BRIP1: variants seen among roughly 807,000 people sequenced by gnomAD.
BRIP1 encodes Fanconi anemia group J protein.
BRIP1 carries 88 observed loss-of-function variants against 119.7 expected under a neutral mutation model. The ratio of observed to expected loss-of-function variants is 0.74; its 90% CI spans 0.62 to 0.88. The LOEUF (loss-of-function observed/expected upper bound fraction) is 0.88. Among genes scored for constraint, BRIP1 ranks in the 40% least tolerant of loss-of-function variants. The pLI, the probability that BRIP1 is intolerant of heterozygous loss-of-function variation, is 0.00. For synonymous variants in BRIP1, 443 were observed against 496.5 expected (o/e 0.89, Z 1.43); for missense variants, 1,259 against 1,455.4 (o/e 0.87, Z 2.20).
chr17:61,802,139 A>G lies in BRIP1; in HGVS notation c.919-665T>C, dbSNP rs541083178. Among the ~76,000 whole-genome samples the G allele has an allele frequency of 4.6e-5, 7 of 152,170 alleles. No individual in the cohort carries two copies. The highest frequency in any genetic ancestry group is 8.8e-5 in the Non-Finnish European group (6 of 68,030). ...TTTCATATTTCTTCTATACATGTGTATATAAGGATATCTCTACAATGTGAC... is the reference window on the plus strand; with the variant it reads ...TTTCATATTTCTTCTATACATGTGTGTATAAGGATATCTCTACAATGTGAC... On this transcript the variant is annotated intron_variant, in intron 7 of 19. Transcript: ENST00000259008. The surrounding 1 kb of genome is among the most constrained non-coding windows in gnomAD (Gnocchi z 6.0).
rs1213838269 is a variant in BRIP1, at chr17:61,827,493, T to C, written c.628-18736A>G. Reference sequence around the variant, plus strand: ...CCTGTAATCTCAGTACTTTGAGAGGTAAGGCAGGAGGATCACTTGAGACCA... The same window carrying C: ...CCTGTAATCTCAGTACTTTGAGAGGCAAGGCAGGAGGATCACTTGAGACCA... On this transcript the variant is annotated intron_variant, in intron 6 of 19. Transcript: ENST00000259008. The surrounding 1 kb of genome is among the most constrained non-coding windows in gnomAD (Gnocchi z 5.8). Among the ~76,000 whole-genome samples the C allele has an allele frequency of 6.6e-6, 1 of 152,074 alleles. No homozygotes were observed. Among genetic ancestry groups the C allele is most frequent in the African/African-American group, 2.4e-5 (1 of 41,398 alleles).
rs35622034 is a variant in BRIP1, at chr17:61,823,834, A to AT, written c.628-15078dup. 0.14 allele frequency among the ~76,000 whole-genome samples: 20,953 copies of AT among 148,358 alleles called. 2,042 individuals are homozygous for AT. Among genetic ancestry groups the AT allele is most frequent in the East Asian group, 0.58 (2,918 of 5,054 alleles). ...TGCTGAAAGCAGAGATAAAAATAGAATTTTTTTTTTTGAGACGGAGTTTCG... is the reference window on the plus strand; with the variant it reads ...TGCTGAAAGCAGAGATAAAAATAGAATTTTTTTTTTTTGAGACGGAGTTTCG... On this transcript the variant is annotated intron_variant, in intron 6 of 19. Transcript: ENST00000259008. The surrounding 1 kb of genome is among the most constrained non-coding windows in gnomAD (Gnocchi z 4.8).
rs1387960709 is a variant in BRIP1, at chr17:61,739,339, A to C, written c.2379+3674T>G. The C allele has an allele frequency of 1.5e-5, 3 of 199,636 alleles. No individual in the cohort carries two copies. The highest frequency in any genetic ancestry group is 3.1e-5 in the Non-Finnish European group (3 of 96,498). The allele number at this position is 199,636 out of a possible 1,614,324, so 12.4% of individuals were successfully genotyped here. On this transcript the variant is annotated intron_variant, in intron 16 of 19. Coordinates refer to ENST00000259008, the MANE Select transcript of BRIP1 (RefSeq NM_032043.3). The surrounding 1 kb of genome is among the most constrained non-coding windows in gnomAD (Gnocchi z 6.0). ...CATCAGTAGCTGTAGTCAAGGCAGC[A>C]TCAGCCATTTTAGAATAGGAGACCC...
intron 11 of BRIP1, among the ~76,000 whole-genome samples, chr17:61,783,186 T>C (rs2077649691): frequency 6.6e-6 from 1 of 152,202 alleles, no homozygotes; most frequent in Non-Finnish European, 1.5e-5. Flanking sequence ...AATTGTGGTA[T>C]ATACATACAA....
chr17:61,812,889 A>T (rs2078184312), intron 6 of BRIP1, among the ~76,000 whole-genome samples: 1 of 152,118 alleles, frequency 6.6e-6, no homozygotes, highest in Non-Finnish European at 1.5e-5. Flanking sequence ...TTCCTTTCAC[A>T]AGCTATAATT....
intron 6 of BRIP1, among the ~76,000 whole-genome samples, chr17:61,838,495 G>A (rs1490197808): frequency 1.3e-5 from 2 of 151,538 alleles, no homozygotes; most frequent in South Asian, 2.1e-4. Flanking sequence ...GCAGTGAGCC[G>A]ATCGCGCCAC....
In BRIP1 at chr17:61,683,126, G is replaced by A; in HGVS notation, c.*170C>T. Reference sequence around the variant, plus strand: ...AGCCTGGGCAACAGACCAAGACTCTGTCTCAAAAAAAAAAACCCAAAAACT... The same window carrying A: ...AGCCTGGGCAACAGACCAAGACTCTATCTCAAAAAAAAAAACCCAAAAACT... On this transcript the variant is annotated 3_prime_UTR_variant, in exon 20 of 20. Coordinates refer to ENST00000259008, the MANE Select transcript of BRIP1 (RefSeq NM_032043.3). This position sits in a 1 kb window ranked among gnomAD's most constrained non-coding sequence, Gnocchi z 4.7. 1.3e-6 allele frequency: 1 copy of A among 777,994 alleles called. No homozygotes were observed. Among genetic ancestry groups the A allele is most frequent in the Non-Finnish European group, 2.0e-6 (1 of 510,382 alleles). 48.2% of individuals were successfully genotyped at this position (777,994 alleles called of 1,614,324 possible).
Position 61,744,461 on chromosome 17 carries a change from T to G in BRIP1, c.2228A>C (p.Tyr743Ser), listed in dbSNP as rs750033391. The G allele has an allele frequency of 1.9e-6, 3 of 1,613,906 alleles. No homozygotes were observed. The highest frequency in any genetic ancestry group is 2.5e-6 in the Non-Finnish European group (3 of 1,179,936). ...TNFDELLQVY[Y>S]DAIKYKGEKD... Reference sequence around the variant, plus strand: ...CTCTCCTTTGTATTTGATTGCGTCATAGTACACCTGCAGTAATTCATCAAA... The same window carrying G: ...CTCTCCTTTGTATTTGATTGCGTCAGAGTACACCTGCAGTAATTCATCAAA... The change falls in exon 15 of 20, where the codon TAT becomes TCT. Residue 743 changes from tyrosine to serine, a missense_variant. Physicochemically the swap from Tyr to Ser is moderately radical, Grantham distance 144. This residue lies in a region of BRIP1 where 753 missense variants were observed against 891.8 expected (regional missense o/e 0.84). Transcript: ENST00000259008. The surrounding 1 kb of genome is among the most constrained non-coding windows in gnomAD (Gnocchi z 5.0).
At chr17:61,786,761 TTATATATTATATATTTATATATAATATAG>T (rs1225752523) in intron 10 of BRIP1, among the ~76,000 whole-genome samples, 82 of 135,114 alleles carry the variant, frequency 6.1e-4, no homozygotes, top group Admixed American at 1.5e-3. Flanking sequence ...ATTATATATT[TTATATATTATATATTTATATATAATATAG>T]TATATATTAT....
At position 61,774,674 on chromosome 17, in the gene BRIP1, A is replaced by T. The variant is rs1429313795; in HGVS notation, c.2097+1727T>A. On this transcript the variant is annotated intron_variant, in intron 14 of 19. Transcript: ENST00000259008. This position sits in a 1 kb window ranked among gnomAD's most constrained non-coding sequence, Gnocchi z 5.8. ...AAACCTGCAGAACAATTAATTTCGCAATCAAAGAAATAAACTCAATTGGAA... is the reference window on the plus strand; with the variant it reads ...AAACCTGCAGAACAATTAATTTCGCTATCAAAGAAATAAACTCAATTGGAA... Among the ~76,000 whole-genome samples, 2 of 152,236 alleles carry T rather than the reference A, an allele frequency of 1.3e-5. No homozygotes were observed. The highest frequency in any genetic ancestry group is 4.8e-5 in the African/African-American group (2 of 41,460).
Position 61,717,719 on chromosome 17 carries a change from A to G in BRIP1, c.2380-1656T>C, listed in dbSNP as rs1424287523. The stretch of plus-strand genomic sequence containing the variant: ...GACCTGTGGGCTTATAGTTTCTATC[A>G]AACTTGAAAAATTTTCAGCCATTAT... On this transcript the variant is annotated intron_variant, in intron 16 of 19. Coordinates refer to ENST00000259008, the MANE Select transcript of BRIP1 (RefSeq NM_032043.3). This position sits in a 1 kb window ranked among gnomAD's most constrained non-coding sequence, Gnocchi z 4.1. Among the ~76,000 whole-genome samples, 1 of 152,032 alleles carries G rather than the reference A, an allele frequency of 6.6e-6. No homozygotes were observed. The highest frequency in any genetic ancestry group is 1.5e-5 in the Non-Finnish European group (1 of 67,996).
In BRIP1 at chr17:61,700,304, G is replaced by A. The variant is rs932165448; in HGVS notation, c.2493-6792C>T. ...CTTTGTGGGTATTCTTTATTTCATCGTGTGCATCTGACTTACTTCCTAATA... is the reference window on the plus strand; with the variant it reads ...CTTTGTGGGTATTCTTTATTTCATCATGTGCATCTGACTTACTTCCTAATA... On this transcript the variant is annotated intron_variant, in intron 17 of 19. Transcript: ENST00000259008. This position sits in a 1 kb window ranked among gnomAD's most constrained non-coding sequence, Gnocchi z 4.1. Among the ~76,000 whole-genome samples the A allele has an allele frequency of 2.6e-5, 4 of 152,054 alleles. No individual in the cohort carries two copies. The highest frequency in any genetic ancestry group is 4.8e-5 in the African/African-American group (2 of 41,384).
rs2078131930 is a variant in BRIP1, at chr17:61,809,640, AG to A, written c.628-884del. Reference sequence around the variant, plus strand: ...GGTTCTTAATAACTACTTCCTTCTAAGTCTCAATTATTACACCAAATGACAC... The same window carrying A: ...GGTTCTTAATAACTACTTCCTTCTAATCTCAATTATTACACCAAATGACAC... On this transcript the variant is annotated intron_variant, in intron 6 of 19. Coordinates refer to ENST00000259008, the MANE Select transcript of BRIP1 (RefSeq NM_032043.3). This position sits in a 1 kb window ranked among gnomAD's most constrained non-coding sequence, Gnocchi z 5.2. Among the ~76,000 whole-genome samples, 1 of 152,148 alleles carries A rather than the reference AG, an allele frequency of 6.6e-6. No homozygotes were observed. The highest frequency in any genetic ancestry group is 2.1e-4 in the South Asian group (1 of 4,830).
Position 61,802,328 on chromosome 17 carries a change from C to T in BRIP1, c.919-854G>A, listed in dbSNP as rs961070742. 2.6e-5 allele frequency among the ~76,000 whole-genome samples: 4 copies of T among 152,144 alleles called. No individual in the cohort carries two copies. Among genetic ancestry groups the T allele is most frequent in the East Asian group, 1.9e-4 (1 of 5,184 alleles). On this transcript the variant is annotated intron_variant, in intron 7 of 19. Coordinates refer to ENST00000259008, the MANE Select transcript of BRIP1 (RefSeq NM_032043.3). The surrounding 1 kb of genome is among the most constrained non-coding windows in gnomAD (Gnocchi z 6.0). ...ATAAAAAATTTTCTAGGATTGGTGG[C>T]GTACATCAATGGTCCTAGCTACTCA...
chr17:61,679,438 T>C lies in BRIP1; in HGVS notation c.*3858A>G, dbSNP rs1247651021. Among the ~76,000 whole-genome samples, 1 of 152,180 alleles carries C rather than the reference T, an allele frequency of 6.6e-6. No individual in the cohort carries two copies. The highest frequency in any genetic ancestry group is 1.9e-4 in the East Asian group (1 of 5,204). On this transcript the variant is annotated 3_prime_UTR_variant, in exon 20 of 20. Transcript: ENST00000259008. The surrounding 1 kb of genome is among the most constrained non-coding windows in gnomAD (Gnocchi z 4.4). ...AGAATAAAGCCCTGTCTCTAACTGGTAGTTTTCCTGGTTTGCAGCCTGTGT... is the reference window on the plus strand; with the variant it reads ...AGAATAAAGCCCTGTCTCTAACTGGCAGTTTTCCTGGTTTGCAGCCTGTGT...
chr17:61,848,383 T>C lies in BRIP1; in HGVS notation c.507+746A>G, dbSNP rs1007920755. On this transcript the variant is annotated intron_variant, in intron 5 of 19. Transcript: ENST00000259008. This position sits in a 1 kb window ranked among gnomAD's most constrained non-coding sequence, Gnocchi z 4.3. ...TGCCACCACACCCGGTCTTTTTTTT[T>C]ACTTTTTTGTGGAGACAGGAGCCTT... Among the ~76,000 whole-genome samples, 4 of 152,038 alleles carry C rather than the reference T, an allele frequency of 2.6e-5. No individual in the cohort carries two copies. The highest frequency in any genetic ancestry group is 7.2e-5 in the African/African-American group (3 of 41,420).
chr17:61,704,401 G>A lies in BRIP1; in HGVS notation c.2493-10889C>T, dbSNP rs1333763717. Among the ~76,000 whole-genome samples the A allele has an allele frequency of 6.6e-6, 1 of 151,964 alleles. No homozygotes were observed. Among genetic ancestry groups the A allele is most frequent in the Non-Finnish European group, 1.5e-5 (1 of 67,976 alleles). On this transcript the variant is annotated intron_variant, in intron 17 of 19. Transcript: ENST00000259008. The surrounding 1 kb of genome is among the most constrained non-coding windows in gnomAD (Gnocchi z 5.7). ...TTGGTAATATTTGCTAGTGAACACA[G>A]CTGGGTGAATTTTTTAGAAGGCTTT...
Position 61,681,614 on chromosome 17 carries a change from A to G in BRIP1, c.*1682T>C. On this transcript the variant is annotated 3_prime_UTR_variant, in exon 20 of 20. Transcript: ENST00000259008. The surrounding 1 kb of genome is among the most constrained non-coding windows in gnomAD (Gnocchi z 5.1). ...TGTTTCACCCTTTCAAAACAATGTA[A>G]AAATTACCTTCTAATCGAGTATTTG... 1 of 200,712 alleles carries G rather than the reference A, an allele frequency of 5.0e-6. No individual in the cohort carries two copies. Among genetic ancestry groups the G allele is most frequent in the Non-Finnish European group, 1.0e-5 (1 of 97,328 alleles). The allele number at this position is 200,712 out of a possible 1,614,324, so 12.4% of individuals were successfully genotyped here. A position where few individuals can be genotyped will look rare whatever the true frequency, so the allele number is the denominator to read the frequency against.
At chr17:61,854,519 C>G (rs2078866666) in intron 4 of BRIP1, among the ~76,000 whole-genome samples, 1 of 151,842 alleles carries the variant, frequency 6.6e-6, no homozygotes, top group Non-Finnish European at 1.5e-5. Context: ...GCAGCCTGAC[C>G]AACGTGGTGA....
Sources: gnomAD v4.1 joint callset for allele counts (sites outside exome capture counted in the v4.1 genomes callset) on GRCh38, gnomAD v4.1.1 for gene constraint, gnomAD v4.1.1 regional missense constraint, Gnocchi (gnomAD v3.1) non-coding constraint, MANE v1.5 for transcripts, NCBI Gene and HGNC (gene_info 2026-07-23, HGNC 2026-07-21) for gene names.